Variants in MAPK8 observed in about 807,000 individuals in gnomAD.
MAPK8 encodes JUN N-terminal kinase.
Under a neutral mutation model 52.9 loss-of-function variants are expected in MAPK8, and 13 were observed. The ratio of observed to expected loss-of-function variants is 0.25; its 90% CI spans 0.16 to 0.39. MAPK8 has a LOEUF of 0.39. Among genes scored for constraint, MAPK8 ranks in the 10% least tolerant of loss-of-function variants. The pLI is 1.00. For synonymous variants in MAPK8, 191 were observed against 169.8 expected, an observed-to-expected ratio of 1.12 and a Z score of -0.97; for missense variants, 300 against 519.2, an observed-to-expected ratio of 0.58 and a Z score of 4.10.
At chr10:48,366,280 T>A (rs1848028085) in intron 1 of MAPK8, among the ~76,000 whole-genome samples, 1 of 152,078 alleles carries the variant, frequency 6.6e-6, no homozygotes, top group South Asian at 2.1e-4. Context: ...CCTAAGAACC[T>A]TTAAACTTAA....
At chr10:48,396,618 C>A (rs547964046) in intron 1 of MAPK8, among the ~76,000 whole-genome samples, 1 of 152,172 alleles carries the variant, frequency 6.6e-6, no homozygotes, top group Non-Finnish European at 1.5e-5. Context: ...TATATTCACA[C>A]AAAAACATGT....
chr10:48,359,511 A>G (rs1847324979), intron 1 of MAPK8, among the ~76,000 whole-genome samples: 1 of 152,176 alleles, frequency 6.6e-6, no homozygotes, highest in Admixed American at 6.6e-5. Context: ...TAGCCCTATC[A>G]GATATCGATA....
intron 10 of MAPK8, among the ~76,000 whole-genome samples, chr10:48,429,146 A>G (rs1488023659): frequency 6.6e-6 from 1 of 151,854 alleles, no homozygotes; most frequent in East Asian, 1.9e-4. Flanking sequence ...AAAATTTTGT[A>G]GAGATGGGGT....
At chr10:48,361,155 C>G (rs1363184775) in intron 1 of MAPK8, among the ~76,000 whole-genome samples, 1 of 152,112 alleles carries the variant, frequency 6.6e-6, no homozygotes, top group Non-Finnish European at 1.5e-5. Context: ...TGAATTCTAT[C>G]GAGGAACGTG....
intron 1 of MAPK8, among the ~76,000 whole-genome samples, chr10:48,377,748 A>T (rs980486644): frequency 2.6e-5 from 4 of 152,122 alleles, no homozygotes; most frequent in African/African-American, 9.7e-5. Flanking sequence ...CTCCCACTTA[A>T]CTCTGGACTA....
chr10:48,393,958 C>A (rs1411040479), intron 1 of MAPK8, among the ~76,000 whole-genome samples: 1 of 151,534 alleles, frequency 6.6e-6, no homozygotes, highest in Non-Finnish European at 1.5e-5. Context: ...AAAAAGAAGA[C>A]ACAAATGAGA....
At chr10:48,368,914 A>C (rs1048162098) in intron 1 of MAPK8, among the ~76,000 whole-genome samples, 1 of 152,092 alleles carries the variant, frequency 6.6e-6, no homozygotes, top group African/African-American at 2.4e-5. Flanking sequence ...TCTCTTAACT[A>C]TACAGCTCTA....
intron 1 of MAPK8, among the ~76,000 whole-genome samples, chr10:48,369,589 A>G (rs1848367540): frequency 6.6e-6 from 1 of 152,120 alleles, no homozygotes; most frequent in East Asian, 1.9e-4. Context: ...GTGTTAAGTG[A>G]TAACTAGAGC....
intron 1 of MAPK8, among the ~76,000 whole-genome samples, chr10:48,346,494 A>G (rs1264394496): frequency 6.6e-6 from 1 of 152,250 alleles, no homozygotes; most frequent in East Asian, 1.9e-4. Flanking sequence ...ATCGTGGTCC[A>G]GCAGTAGCAA....
intron 1 of MAPK8, among the ~76,000 whole-genome samples, chr10:48,375,845 A>G (rs1451096686): frequency 1.3e-5 from 2 of 152,228 alleles, no homozygotes; most frequent in Non-Finnish European, 2.9e-5. Flanking sequence ...TGATATCCCC[A>G]TCAAAGTACC....
intron 1 of MAPK8, among the ~76,000 whole-genome samples, chr10:48,380,142 T>C (rs1202541157): frequency 6.6e-6 from 1 of 151,988 alleles, no homozygotes; most frequent in Non-Finnish European, 1.5e-5. Flanking sequence ...CCCGGGAGGC[T>C]GAGGCAGGAG....
intron 1 of MAPK8, among the ~76,000 whole-genome samples, chr10:48,323,381 G>T (rs540578864): frequency 6.6e-6 from 1 of 152,190 alleles, no homozygotes; most frequent in East Asian, 1.9e-4. Flanking sequence ...TTTAAATTTC[G>T]CAGAGAAACC....
chr10:48,410,072 G>A lies in MAPK8; in HGVS notation c.354G>A (p.Val118=). ...MELMDANLCQ[V]IQMELDHERM... is the part of the protein sequence containing the mutation. ...TCATGGATGCAAATCTTTGCCAAGT[G>A]ATTCAGATGGAGCTAGATCATGAAA... is the stretch of plus-strand genomic sequence containing the variant. The change falls in exon 5 of 12, where the codon GTG becomes GTA. Residue 118 remains valine (V), a synonymous_variant. Transcript: ENST00000374189. The A allele has an allele frequency of 6.2e-7, 1 of 1,602,270 alleles. No individual in the cohort carries two copies. Among genetic ancestry groups the A allele is most frequent in the South Asian group, 1.1e-5 (1 of 88,184 alleles).
intron 5 of MAPK8, among the ~76,000 whole-genome samples, chr10:48,412,015 T>G (rs2042782378): frequency 1.3e-5 from 2 of 152,018 alleles, no homozygotes; most frequent in South Asian, 4.2e-4. Context: ...TGGTTAATAT[T>G]TTGTATTTTT....
At chr10:48,347,968 G>A (rs1019939151) in intron 1 of MAPK8, among the ~76,000 whole-genome samples, 20 of 152,134 alleles carry the variant, frequency 1.3e-4, no homozygotes, top group Admixed American at 2.6e-4. Flanking sequence ...TTGAGGAATC[G>A]CCAACTGTCT....
At chr10:48,318,326 C>A (rs1842693685) in intron 1 of MAPK8, among the ~76,000 whole-genome samples, 1 of 152,166 alleles carries the variant, frequency 6.6e-6, no homozygotes, top group Non-Finnish European at 1.5e-5. Flanking sequence ...CTACAAAATA[C>A]CTTCACAGCA....
rs2042381110 is a variant in MAPK8 at position 48,404,942 on chromosome 10, C to T, written c.213C>T (p.Tyr71=). 1 of 1,607,816 alleles carries T rather than the reference C, an allele frequency of 6.2e-7. No individual in the cohort carries two copies. The highest frequency in any genetic ancestry group is 1.3e-5 in the African/African-American group (1 of 74,666). Residue 71 remains tyrosine, a synonymous_variant, in exon 3 of 12, where the codon TAC becomes TAT. Transcript: ENST00000374189. ...ATCAGACTCATGCCAAGCGGGCCTA[C>T]AGAGAGCTAGTTCTTATGAAATGTG... The part of the protein sequence containing the change: ...FQNQTHAKRA[Y]RELVLMKCVN...
At chr10:48,312,680 A>G (rs914200684) in intron 1 of MAPK8, among the ~76,000 whole-genome samples, 12 of 152,240 alleles carry the variant, frequency 7.9e-5, no homozygotes, top group Admixed American at 6.5e-5. Flanking sequence ...TAAGATAAAG[A>G]AAAGCTACTG....
At chr10:48,308,890 C>G (rs1265067950) in intron 1 of MAPK8, among the ~76,000 whole-genome samples, 1 of 152,160 alleles carries the variant, frequency 6.6e-6, no homozygotes, top group Non-Finnish European at 1.5e-5. Context: ...CTCTTTTCCA[C>G]TTACTAAATA....
Sources: allele counts gnomAD v4.1 joint callset (sites outside exome capture counted in the v4.1 genomes callset), GRCh38; gene constraint gnomAD v4.1.1; transcripts MANE v1.5; gene names NCBI Gene and HGNC (gene_info 2026-07-23, HGNC 2026-07-21).